Variants in STX17 observed in about 807,000 individuals in gnomAD.
The protein encoded by STX17 is syntaxin 17, also known as syntaxin-17.
Under a neutral mutation model 35.9 loss-of-function variants are expected in STX17, and 29 were observed. That is an observed-to-expected ratio of 0.81 (90% CI 0.60 to 1.10). The LOEUF (loss-of-function observed/expected upper bound fraction) is 1.10. Among genes scored for constraint, STX17 ranks in the 50% least tolerant of loss-of-function variants. The pLI is 0.00. For synonymous variants in STX17, 92 were observed against 118.3 expected (o/e 0.78, Z 1.44); for missense variants, 312 against 352.3 (o/e 0.89, Z 0.92).
chr9:99,949,836 T>G (rs891002170), intron 3 of STX17, among the ~76,000 whole-genome samples: 2 of 151,854 alleles, frequency 1.3e-5, no homozygotes, highest in African/African-American at 2.4e-5. Flanking sequence ...GAGGGAAAGC[T>G]CCCCAGTATA....
chr9:99,957,565 T>C (rs1024386416), intron 4 of STX17, among the ~76,000 whole-genome samples: 43 of 152,146 alleles, frequency 2.8e-4, no homozygotes, highest in African/African-American at 1.0e-3. Flanking sequence ...CTACTGTAAC[T>C]ATCCTACAGC....
At chr9:99,927,914 C>T (rs191831002) in intron 2 of STX17, among the ~76,000 whole-genome samples, 70 of 151,956 alleles carry the variant, frequency 4.6e-4, no homozygotes, top group Non-Finnish European at 9.0e-4. Context: ...TATAAAAATG[C>T]CCTAGAAATT....
chr9:99,938,227 A>G (rs1829278047), intron 3 of STX17, among the ~76,000 whole-genome samples: 1 of 152,078 alleles, frequency 6.6e-6, no homozygotes. Context: ...ATCCCTCTGC[A>G]TATTTCCAGG....
chr9:99,949,753 AT>A (rs1829555101), intron 3 of STX17, among the ~76,000 whole-genome samples: 1 of 151,932 alleles, frequency 6.6e-6, no homozygotes, highest in Non-Finnish European at 1.5e-5. Context: ...TACTTTGATT[AT>A]TTTTGCAAAT....
intron 4 of STX17, 92 bp downstream of exon 4, chr9:99,951,377 CT>C: frequency 9.0e-7 from 1 of 1,111,804 alleles, no homozygotes; most frequent in Non-Finnish European, 1.3e-6. Flanking sequence ...ATCTATAGGT[CT>C]TCAGAGACCA....
chr9:99,942,585 C>T (rs1050704703), intron 3 of STX17, among the ~76,000 whole-genome samples: 3 of 152,036 alleles, frequency 2.0e-5, no homozygotes, highest in Admixed American at 6.6e-5. Flanking sequence ...CTCCTGGGCT[C>T]GAGAGTTGTG....
In STX17 at chr9:99,915,379, A is replaced by G. The variant is rs1251720586; in HGVS notation, c.123+17A>G. ...ATTGAGAAGGTGAGCTGTTTCATTT[A>G]CTACCACAAGAAATAGTTACATAGT... On this transcript the variant is annotated intron_variant, in intron 2 of 7. Coordinates refer to ENST00000259400, the MANE Select transcript of STX17 (RefSeq NM_017919.3). The G allele has an allele frequency of 8.9e-6, 14 of 1,574,424 alleles. No homozygotes were observed. The highest frequency in any genetic ancestry group is 1.1e-5 in the Non-Finnish European group (13 of 1,164,492).
intron 2 of STX17, among the ~76,000 whole-genome samples, chr9:99,923,052 C>T (rs1418505530): frequency 2.6e-5 from 4 of 152,040 alleles, no homozygotes; most frequent in African/African-American, 7.2e-5. Flanking sequence ...CTTTTTTATT[C>T]CCTTTTCTAT....
intron 3 of STX17, among the ~76,000 whole-genome samples, chr9:99,932,124 T>A (rs10819711): frequency 6.6e-6 from 1 of 151,712 alleles, no homozygotes; most frequent in Non-Finnish European, 1.5e-5. Context: ...ACTTTTGGGC[T>A]TTATTCAGTA....
chr9:99,941,646 A>T (rs76777853), intron 3 of STX17, among the ~76,000 whole-genome samples: 2 of 152,124 alleles, frequency 1.3e-5, no homozygotes, highest in African/African-American at 4.8e-5. Context: ...AAAAAGAATC[A>T]CTATCTTGAT....
intron 3 of STX17, among the ~76,000 whole-genome samples, chr9:99,934,972 A>G (rs1428791024): frequency 1.3e-5 from 2 of 152,176 alleles, no homozygotes; most frequent in East Asian, 1.9e-4. Flanking sequence ...GAAAAAAGCC[A>G]TAAGTACTTA....
chr9:99,930,121 C>T (rs983193733), intron 3 of STX17, among the ~76,000 whole-genome samples: 8 of 151,340 alleles, frequency 5.3e-5, no homozygotes, highest in Admixed American at 5.3e-4. Context: ...CCATATTGGC[C>T]AGACTGGTGT....
At chr9:99,915,151 A>AG in intron 1 of STX17, 27 bp from the exon 2 acceptor site, 1 of 1,394,238 alleles carries the variant, frequency 7.2e-7, no homozygotes, top group Non-Finnish European at 9.5e-7. Context: ...ATTTGAAAAC[A>AG]TTCTTAAAGA....
chr9:99,948,608 C>G (rs945015281), intron 3 of STX17, among the ~76,000 whole-genome samples: 2 of 151,966 alleles, frequency 1.3e-5, no homozygotes, highest in African/African-American at 4.8e-5. Flanking sequence ...ATATCCATTT[C>G]AAAGATATAT....
At chr9:99,961,594 T>C (rs1829827710) in intron 6 of STX17, among the ~76,000 whole-genome samples, 1 of 152,160 alleles carries the variant, frequency 6.6e-6, no homozygotes, top group Admixed American at 6.5e-5. Flanking sequence ...TGTGTATGTA[T>C]ATTTATGTAT....
intron 3 of STX17, among the ~76,000 whole-genome samples, chr9:99,948,151 A>T (rs1436325657): frequency 6.6e-6 from 1 of 152,082 alleles, no homozygotes; most frequent in Non-Finnish European, 1.5e-5. Flanking sequence ...GCCCTATCCA[A>T]TGTAGTAGCT....
chr9:99,931,912 A>T (rs1829133149), intron 3 of STX17, among the ~76,000 whole-genome samples: 1 of 151,804 alleles, frequency 6.6e-6, no homozygotes. Context: ...TGTTTTTCTG[A>T]AATATTAAAA....
intron 3 of STX17, among the ~76,000 whole-genome samples, chr9:99,934,238 A>G (rs1405730917): frequency 2.6e-5 from 4 of 152,172 alleles, no homozygotes; most frequent in African/African-American, 7.2e-5. Flanking sequence ...TTGGCACTTC[A>G]TAAGAATCTT....
intron 2 of STX17, chr9:99,915,915 A>G: frequency 2.5e-6 from 1 of 396,238 alleles, no homozygotes; most frequent in East Asian, 7.4e-5. Context: ...TAATTAAGAT[A>G]CAAATTGATT....
Sources: allele counts gnomAD v4.1 joint callset (sites outside exome capture counted in the v4.1 genomes callset), GRCh38; gene constraint gnomAD v4.1.1; transcripts MANE v1.5; gene names NCBI Gene and HGNC (gene_info 2026-07-23, HGNC 2026-07-21).